Variants in CRHBP observed in about 807,000 individuals in gnomAD.
CRHBP encodes corticotropin-releasing hormone-binding protein.
In CRHBP, 19 loss-of-function variants were observed where a neutral mutation model predicts 34.9. That is an observed-to-expected ratio of 0.55 (90% CI 0.38 to 0.80). The LOEUF (loss-of-function observed/expected upper bound fraction) is 0.80. Ranked by LOEUF, CRHBP falls within the 30% of genes least tolerant of loss-of-function variation. The probability of loss-of-function intolerance (pLI) is 0.00; values close to 1 mark genes in which losing one functional copy is unlikely to be tolerated. For missense variants in CRHBP, 328 were observed against 409.2 expected, an observed-to-expected ratio of 0.80 and a Z score of 1.71; for synonymous variants, 154 against 153.4, an observed-to-expected ratio of 1.00 and a Z score of -0.03.
chr5:76,953,056 C>G lies in CRHBP; in HGVS notation c.-79C>G. On this transcript the variant is annotated 5_prime_UTR_variant, in exon 1 of 7. Transcript: ENST00000274368. ...AAAGGGACCCTACCAGCTTCTAGCT[C>G]TCAGTCTGCGCGAGGGTGTAGGAAG... 1 of 1,443,568 alleles carries G rather than the reference C, an allele frequency of 6.9e-7. No individual in the cohort carries two copies. The highest frequency in any genetic ancestry group is 9.7e-7 in the Non-Finnish European group (1 of 1,026,728). The allele number at this position is 1,443,568 out of a possible 1,614,324, so 89.4% of individuals were successfully genotyped here. A position where few individuals can be genotyped will look rare whatever the true frequency, so the allele number is the denominator to read the frequency against.
intron 2 of CRHBP, 37 bp downstream of exon 2, chr5:76,953,731 C>T: frequency 6.4e-7 from 1 of 1,564,478 alleles, no homozygotes; most frequent in African/African-American, 1.4e-5. Context: ...GCGCCCGGGA[C>T]GCGGGGAAGG....
In CRHBP at chr5:76,969,015, GCACACA is replaced by G. The variant is rs146359925; in HGVS notation, c.*141_*146del. On this transcript the variant is annotated 3_prime_UTR_variant, in exon 7 of 7. Transcript: ENST00000274368. ...TATTCCCAGCCTTGAGCGCACGCGC[GCACACA>G]CACACACACATACACACACGCATTA... is the stretch of plus-strand genomic sequence containing the variant. 12 of 860,680 alleles carry G rather than the reference GCACACA, an allele frequency of 1.4e-5. No individual in the cohort carries two copies. The highest frequency in any genetic ancestry group is 1.6e-5 in the Non-Finnish European group (9 of 573,540). 53.3% of individuals were successfully genotyped at this position (860,680 alleles called of 1,614,324 possible). A position where few individuals can be genotyped will look rare whatever the true frequency, so the allele number is the denominator to read the frequency against.
chr5:76,969,028 C>T lies in CRHBP; in HGVS notation c.*143C>T. 1.3e-6 allele frequency: 1 copy of T among 759,108 alleles called. No homozygotes were observed. The highest frequency in any genetic ancestry group is 2.0e-6 in the Non-Finnish European group (1 of 500,960). 47.0% of individuals were successfully genotyped at this position (759,108 alleles called of 1,614,324 possible). A position where few individuals can be genotyped will look rare whatever the true frequency, so the allele number is the denominator to read the frequency against. On this transcript the variant is annotated 3_prime_UTR_variant, in exon 7 of 7. Transcript: ENST00000274368. ...GAGCGCACGCGCGCACACACACACA[C>T]ACATACACACACGCATTAATTTTTG...
chr5:76,975,825 A>AAAAAAAAATATATATATATATAT, intron 2 of CRHBP, among the ~76,000 whole-genome samples: 2 of 61,854 alleles, frequency 3.2e-5, no homozygotes, highest in African/African-American at 1.8e-4. Context: ...AAAAAAAAAA[A>AAAAAAAAATATATATATATATAT]ATATATATAT....
chr5:76,976,164 T>G (rs7731296), intron 2 of CRHBP, among the ~76,000 whole-genome samples: 1,842 of 151,630 alleles, frequency 0.012, 48 homozygotes, highest in African/African-American at 0.042. Flanking sequence ...ATCTCTCTAA[T>G]AAATTGGGTA....
chr5:76,970,908 C>T (rs767580972), downstream of CRHBP, among the ~76,000 whole-genome samples: 2 of 152,160 alleles, frequency 1.3e-5, no homozygotes, highest in Non-Finnish European at 2.9e-5. Context: ...TGCTTTACTT[C>T]AAAGCTTGTT....
chr5:76,954,502 C>T (rs11951796), intron 3 of CRHBP, among the ~76,000 whole-genome samples: 4,637 of 134,882 alleles, frequency 0.034, 236 homozygotes, highest in African/African-American at 0.12. Flanking sequence ...ACTCGCAGCG[C>T]GGAACTCTGA....
chr5:76,975,828 AT>A (rs1561269760), intron 2 of CRHBP, among the ~76,000 whole-genome samples: 11 of 90,446 alleles, frequency 1.2e-4, no homozygotes, highest in African/African-American at 5.7e-4. Context: ...AAAAAAAAAT[AT>A]ATATATATAT....
At chr5:76,975,989 G>T (rs1746029563) in intron 2 of CRHBP, among the ~76,000 whole-genome samples, 1 of 147,216 alleles carries the variant, frequency 6.8e-6, no homozygotes, top group African/African-American at 2.5e-5. Context: ...TGGTCCATTG[G>T]CAAAGCTAAG....
In CRHBP at chr5:76,955,734, G is replaced by C; in HGVS notation, c.415G>C (p.Asp139His). 9 of 1,614,198 alleles carry C rather than the reference G, an allele frequency of 5.6e-6. No individual in the cohort carries two copies. Among genetic ancestry groups the C allele is most frequent in the Non-Finnish European group, 7.6e-6 (9 of 1,180,032 alleles). ...HPLPSAERYI[D>H]FCESGLSRRS... ...TCTCCCCTCAGCTGAGCGGTACATA[G>C]ATTTCTGTGAGAGTGGTCTTAGCAG... is the stretch of plus-strand genomic sequence containing the variant. Residue 139 changes from aspartate (D) to histidine (H), a missense_variant, in exon 4 of 7, where the codon GAT (aspartate) becomes CAT (histidine). By Grantham distance (81) the Asp-to-His change is moderately conservative. Around this residue, in one of 3 missense-constraint regions of CRHBP, gnomAD observed 173 missense variants for 172.2 expected, o/e 1.00. Transcript: ENST00000274368.
intron 4 of CRHBP, among the ~76,000 whole-genome samples, chr5:76,958,033 T>C (rs1215872239): frequency 5.9e-5 from 9 of 151,678 alleles, no homozygotes; most frequent in Non-Finnish European, 1.3e-4. Flanking sequence ...GTGGCACATG[T>C]CTGTAGTCCC....
At chr5:76,970,573 A>C (rs1202422301), downstream of CRHBP, among the ~76,000 whole-genome samples, 2 of 152,174 alleles carry the variant, frequency 1.3e-5, no homozygotes, top group African/African-American at 2.4e-5. Context: ...ATAATTCTTG[A>C]TTAGTTATAT....
rs2303712 is a variant in CRHBP at position 76,955,890 on chromosome 5, A to G, written c.544+27A>G. The stretch of plus-strand genomic sequence containing the variant: ...TAAGTGTTCTCAGTCAAAAGGCAGA[A>G]CTTCGGATATAGACCCGCTTTTTGA... On this transcript the variant is annotated intron_variant, in intron 4 of 6. Transcript: ENST00000274368. 2.3e-4 allele frequency: 372 copies of G among 1,603,202 alleles called. 1 individual carries two copies. The East Asian group carries it at 6.9e-3, about 30-fold the overall frequency.
At chr5:76,954,763 G>A (rs1213272984) in intron 3 of CRHBP, among the ~76,000 whole-genome samples, 1 of 152,130 alleles carries the variant, frequency 6.6e-6, no homozygotes, top group East Asian at 1.9e-4. Context: ...TAGGTGGGAG[G>A]GCAGGACAAG....
In CRHBP at chr5:76,953,429, C is replaced by G. The variant is rs1290012041; in HGVS notation, c.82-172C>G. On this transcript the variant is annotated intron_variant, in intron 1 of 6. Coordinates refer to ENST00000274368, the MANE Select transcript of CRHBP (RefSeq NM_001882.4). ...GCCTTCCTCTGGCCGCTGGGGATAC[C>G]CTGGCCTGATGGAGAGGGTCTAAGA... 14 of 875,046 alleles carry G rather than the reference C, an allele frequency of 1.6e-5. No individual in the cohort carries two copies. In the East Asian group the frequency reaches 3.7e-4, roughly 23 times the overall value. 54.2% of individuals were successfully genotyped at this position (875,046 alleles called of 1,614,324 possible). A position where few individuals can be genotyped will look rare whatever the true frequency, so the allele number is the denominator to read the frequency against.
At chr5:76,976,014 A>G (rs1366772562) in intron 2 of CRHBP, among the ~76,000 whole-genome samples, 5 of 149,506 alleles carry the variant, frequency 3.3e-5, no homozygotes, top group Non-Finnish European at 7.4e-5. Context: ...TGGTAGATCA[A>G]CTCTGCCTTC....
chr5:76,965,029 C>G (rs545985087), intron 6 of CRHBP, among the ~76,000 whole-genome samples: 3 of 150,718 alleles, frequency 2.0e-5, no homozygotes, highest in South Asian at 2.1e-4. Flanking sequence ...AAAAAACACA[C>G]AAAAAAATAC....
In CRHBP at chr5:76,978,580, C is replaced by T. The variant is rs181194373; in HGVS notation, n.467+2060C>T. ...AATATTACTGCTCATTGACAATGCACCTGGTCATCCAAGAGCTCTGAGGGA... is the reference window on the plus strand; with the variant it reads ...AATATTACTGCTCATTGACAATGCATCTGGTCATCCAAGAGCTCTGAGGGA... On this transcript the variant is annotated intron_variant and non_coding_transcript_variant, in intron 3 of 3. Transcript: ENST00000514258. Among the ~76,000 whole-genome samples, 534 of 152,314 alleles carry T rather than the reference C, an allele frequency of 3.5e-3. 1 individual carries two copies. Among genetic ancestry groups the T allele is most frequent in the Non-Finnish European group, 6.4e-3 (437 of 68,036 alleles).
At chr5:76,977,270 C>T (rs555313363) in intron 3 of CRHBP, among the ~76,000 whole-genome samples, 2 of 152,278 alleles carry the variant, frequency 1.3e-5, no homozygotes, top group East Asian at 1.9e-4. Flanking sequence ...TTATTGAATA[C>T]GAAGTACAGG....
Sources: gnomAD v4.1 joint callset for allele counts (sites outside exome capture counted in the v4.1 genomes callset) on GRCh38, gnomAD v4.1.1 for gene constraint, gnomAD v4.1.1 regional missense constraint, MANE v1.5 for transcripts, NCBI Gene and HGNC (gene_info 2026-07-23, HGNC 2026-07-21) for gene names.